DMD: variants seen among roughly 807,000 people sequenced by gnomAD.
The protein encoded by DMD is mutant dystrophin.
In DMD, 63 loss-of-function variants were observed where a neutral mutation model predicts 330.1. That is an observed-to-expected ratio of 0.19 (90% CI 0.16 to 0.24). The LOEUF is 0.24. Among genes scored for constraint, DMD ranks in the 10% least tolerant of loss-of-function variants. DMD has a pLI of 1.00. For synonymous variants in DMD, 1,223 were observed against 959.8 expected (o/e 1.27, Z -5.07); for missense variants, 3,344 against 2,684.1 (o/e 1.25, Z -5.43).
At chrX:31,689,507 A>G (rs1171010778) in intron 52 of DMD, among the ~76,000 whole-genome samples, 3 of 112,048 alleles carry the variant, frequency 2.7e-5, no homozygotes, top group African/African-American at 6.5e-5. Context: ...ATGCTCATGG[A>G]TAGGAAGAAT....
chrX:32,058,582 A>C (rs2096198943), intron 44 of DMD, among the ~76,000 whole-genome samples: 1 of 109,193 alleles, frequency 9.2e-6, no homozygotes, highest in Non-Finnish European at 1.9e-5. Context: ...AAAAAAAAAA[A>C]AAAGCCCAAG....
At chrX:32,645,990 G>C (rs993781031) in intron 9 of DMD, among the ~76,000 whole-genome samples, 2 of 111,463 alleles carry the variant, frequency 1.8e-5, no homozygotes, top group Non-Finnish European at 3.8e-5. Context: ...CCAATATCTA[G>C]CTTAAAGGTG....
intron 22 of DMD, among the ~76,000 whole-genome samples, chrX:32,471,585 T>G (rs1176350961): frequency 8.9e-6 from 1 of 112,291 alleles, no homozygotes; most frequent in Non-Finnish European, 1.9e-5. Context: ...ACTTCCTAAA[T>G]AATACAGTAT....
chrX:33,004,853 T>C (rs1477853269), intron 2 of DMD, among the ~76,000 whole-genome samples: 1 of 111,371 alleles, frequency 9.0e-6, no homozygotes, highest in African/African-American at 3.3e-5. Flanking sequence ...GTGTTTCTTG[T>C]TTTTGCTGTT....
chrX:31,741,516 T>C (rs748224742), intron 51 of DMD, among the ~76,000 whole-genome samples: 15 of 111,666 alleles, frequency 1.3e-4, no homozygotes, highest in Non-Finnish European at 2.4e-4. Context: ...CTCAGGGCTC[T>C]TGGGTGACCA....
At chrX:31,897,142 A>C (rs1461639400) in intron 47 of DMD, among the ~76,000 whole-genome samples, 1 of 107,128 alleles carries the variant, frequency 9.3e-6, no homozygotes, top group Non-Finnish European at 1.9e-5. Context: ...CTCATTGTTC[A>C]ATTCCCACCT....
At chrX:32,477,614 C>A (rs1175442192) in intron 21 of DMD, among the ~76,000 whole-genome samples, 1 of 110,316 alleles carries the variant, frequency 9.1e-6, no homozygotes, top group Non-Finnish European at 1.9e-5. Context: ...ATGTCAAGGG[C>A]AAACCACTTT....
chrX:32,483,246 C>G (rs1485833561), intron 21 of DMD, among the ~76,000 whole-genome samples: 1 of 98,419 alleles, frequency 1.0e-5, no homozygotes, highest in Non-Finnish European at 2.1e-5. Flanking sequence ...AGATGTGTAG[C>G]TACAGTGGAA....
At chrX:31,777,150 C>T (rs189691697) in intron 50 of DMD, among the ~76,000 whole-genome samples, 4 of 111,884 alleles carry the variant, frequency 3.6e-5, no homozygotes, top group Admixed American at 1.9e-4. Context: ...ACAATGAGTA[C>T]TAAAATTTAA....
At chrX:31,220,278 A>G (rs2045868833) in intron 64 of DMD, among the ~76,000 whole-genome samples, 1 of 111,138 alleles carries the variant, frequency 9.0e-6, no homozygotes, top group Non-Finnish European at 1.9e-5. Context: ...TCCCCTTCAT[A>G]AGTAAATTTC....
chrX:31,691,801 TCTGAAGGGAAACATAGCC>T (rs2083144180), intron 52 of DMD, among the ~76,000 whole-genome samples: 1 of 111,992 alleles, frequency 8.9e-6, no homozygotes. Flanking sequence ...CATTAAGGGA[TCTGAAGGGAAACATAGCC>T]TATAACATAA....
At chrX:33,248,341 G>A (rs143667615) in intron 1 of DMD, among the ~76,000 whole-genome samples, 1,332 of 111,968 alleles carry the variant, frequency 0.012, 22 homozygotes, top group African/African-American at 0.041. Context: ...GCGCCTGGCC[G>A]CGAGAATAAA....
intron 36 of DMD, among the ~76,000 whole-genome samples, chrX:32,363,196 G>A (rs2097843326): frequency 9.0e-6 from 1 of 111,662 alleles, no homozygotes. Context: ...ATAGATCACC[G>A]TCCTTAAGTT....
intron 12 of DMD, among the ~76,000 whole-genome samples, chrX:32,603,369 A>T (rs776759661): frequency 5.4e-5 from 6 of 111,538 alleles, no homozygotes; most frequent in Non-Finnish European, 9.5e-5. Context: ...AGCAGTCCTA[A>T]GATGGAAATT....
intron 7 of DMD, among the ~76,000 whole-genome samples, chrX:32,770,143 C>T (rs752732787): frequency 9.0e-5 from 10 of 111,474 alleles, no homozygotes; most frequent in African/African-American, 1.3e-4. Flanking sequence ...CATAGAAAGC[C>T]GGATTTTGTT....
chrX:31,121,956 A>AGAC (rs1332448423), intron 78 of DMD, 26 bp from the exon 79 acceptor site: 1 of 1,100,098 alleles, frequency 9.1e-7, no homozygotes, highest in African/African-American at 1.8e-5. Flanking sequence ...AAAGAAAGAC[A>AGAC]GACTTTACAA....
At chrX:32,047,805 AC>A (rs2096074493) in intron 44 of DMD, among the ~76,000 whole-genome samples, 1 of 110,978 alleles carries the variant, frequency 9.0e-6, no homozygotes, top group Non-Finnish European at 1.9e-5. Context: ...CTAATTTTAC[AC>A]ATAATTTTGC....
At chrX:31,905,731 A>G (rs1486214161) in intron 47 of DMD, among the ~76,000 whole-genome samples, 1 of 111,445 alleles carries the variant, frequency 9.0e-6, no homozygotes, top group East Asian at 2.8e-4. Flanking sequence ...TAGCATGAAA[A>G]TAGAGATGTA....
At chrX:32,406,649 G>T (rs890707890) in intron 30 of DMD, among the ~76,000 whole-genome samples, 2 of 110,784 alleles carry the variant, frequency 1.8e-5, no homozygotes, top group South Asian at 7.5e-4. Context: ...GCTGGATTCG[G>T]TTTGCCAGTA....
Sources: allele counts gnomAD v4.1 joint callset (sites outside exome capture counted in the v4.1 genomes callset), GRCh38; gene constraint gnomAD v4.1.1; transcripts MANE v1.5; gene names NCBI Gene and HGNC (gene_info 2026-07-23, HGNC 2026-07-21).